PCDHGA2: variants seen among roughly 807,000 people sequenced by gnomAD.
PCDHGA2 encodes protocadherin gamma subfamily A, 2.
Under a neutral mutation model 59.2 loss-of-function variants are expected in PCDHGA2, and 40 were observed. The observed-to-expected ratio is 0.68, with a 90% CI of 0.52 to 0.88. The LOEUF (loss-of-function observed/expected upper bound fraction) is 0.88, where lower values mean the gene tolerates loss of function less well. Among genes scored for constraint, PCDHGA2 ranks in the 40% least tolerant of loss-of-function variants. The pLI, the probability that PCDHGA2 is intolerant of heterozygous loss-of-function variation, is 0.00. For synonymous variants in PCDHGA2, 560 were observed against 526.0 expected (o/e 1.06, Z -0.89); for missense variants, 1,226 against 1,204.0 (o/e 1.02, Z -0.27).
intron 1 of PCDHGA2, chr5:141,409,190 C>T (rs868189970): frequency 6.2e-7 from 1 of 1,613,986 alleles, no homozygotes; most frequent in Non-Finnish European, 8.5e-7. Context: ...TCTCTCTACC[C>T]AGTGTAAAGT....
intron 1 of PCDHGA2, chr5:141,410,123 C>A: frequency 1.2e-6 from 2 of 1,612,780 alleles, no homozygotes; most frequent in Non-Finnish European, 1.7e-6. Flanking sequence ...AGCCCGCCAG[C>A]GCCTGCTGGT....
intron 1 of PCDHGA2, chr5:141,422,878 C>T: frequency 6.2e-7 from 1 of 1,614,264 alleles, no homozygotes; most frequent in African/African-American, 1.3e-5. Flanking sequence ...GTCGCTGAGC[C>T]TGTTCGTGCT....
chr5:141,492,395 C>G (rs2099740183), intron 1 of PCDHGA2, among the ~76,000 whole-genome samples: 1 of 152,242 alleles, frequency 6.6e-6, no homozygotes, highest in African/African-American at 2.4e-5. Flanking sequence ...GGTCCACTCG[C>G]AGCTCCCCTC....
Position 141,399,184 on chromosome 5 carries a change from C to T in PCDHGA2, c.2424+57789C>T, listed in dbSNP as rs1398440525. The T allele has an allele frequency of 1.9e-6, 3 of 1,613,746 alleles. No individual in the cohort carries two copies. In the African/African-American group the frequency reaches 4.0e-5, roughly 22 times the overall value. On this transcript the variant is annotated intron_variant, in intron 1 of 3. Coordinates refer to ENST00000394576, the MANE Select transcript of PCDHGA2 (RefSeq NM_018915.4). The stretch of plus-strand genomic sequence containing the variant: ...ATTCCATTCTCTACTTGAAATGATT[C>T]TGGAAAACGCGGTGCCTGGAACACT...
chr5:141,503,221 C>T (rs528636727), intron 2 of PCDHGA2, among the ~76,000 whole-genome samples: 34 of 152,074 alleles, frequency 2.2e-4, no homozygotes, highest in Middle Eastern at 6.8e-3. Flanking sequence ...CCATGAGCAC[C>T]GTAAAGATGG....
chr5:141,376,351 G>C (rs1333788917), intron 1 of PCDHGA2: 31 of 1,614,060 alleles, frequency 1.9e-5, no homozygotes, highest in Non-Finnish European at 2.6e-5. Flanking sequence ...ATTCCCACGA[G>C]GTCTCACTCA....
chr5:141,450,150 G>T (rs1314865325), intron 1 of PCDHGA2, among the ~76,000 whole-genome samples: 1 of 150,342 alleles, frequency 6.7e-6, no homozygotes, highest in Non-Finnish European at 1.5e-5. Flanking sequence ...GGGACTACAG[G>T]CATGTGCCAC....
At chr5:141,427,495 C>A in intron 1 of PCDHGA2, 2 of 562,648 alleles carry the variant, frequency 3.6e-6, no homozygotes, top group South Asian at 1.5e-5. Flanking sequence ...AAGCTTGTAA[C>A]AGATGGGACC....
At chr5:141,363,237 CATTTTCTACA>C (rs1481168613) in intron 1 of PCDHGA2, among the ~76,000 whole-genome samples, 1 of 152,240 alleles carries the variant, frequency 6.6e-6, no homozygotes, top group Non-Finnish European at 1.5e-5. Context: ...ATGTTCACAT[CATTTTCTACA>C]AAATATTACT....
At position 141,372,042 on chromosome 5, in the gene PCDHGA2, G is replaced by A. The variant is rs373749332; in HGVS notation, c.2424+30647G>A. The A allele has an allele frequency of 5.0e-6, 8 of 1,613,478 alleles. No individual in the cohort carries two copies. The East Asian group carries it at 1.3e-4, about 27-fold the overall frequency. The stretch of plus-strand genomic sequence containing the variant: ...GCTCAGCGCCAACGTGAGCCTGCGC[G>A]TGTTGGTGGACGACCGCAACGACAA... On this transcript the variant is annotated intron_variant, in intron 1 of 3. Transcript: ENST00000394576.
rs114740440 is a variant in PCDHGA2 at position 141,426,595 on chromosome 5, C to T, written c.2425-68212C>T. The T allele has an allele frequency of 4.0e-3, 1,518 of 375,912 alleles. 5 individuals carry two copies. Among genetic ancestry groups the T allele is most frequent in the Non-Finnish European group, 5.9e-3 (1,105 of 185,722 alleles). 23.3% of individuals were successfully genotyped at this position (375,912 alleles called of 1,614,324 possible). ...GTCTTCAAAATCCTCTGTGTCATAC[C>T]CTTAGAGATTGTAGCAGAGAATCCT... On this transcript the variant is annotated intron_variant, in intron 1 of 3. Coordinates refer to ENST00000394576, the MANE Select transcript of PCDHGA2 (RefSeq NM_018915.4).
intron 1 of PCDHGA2, chr5:141,356,921 G>C (rs767463186): frequency 1.9e-6 from 3 of 1,613,860 alleles, no homozygotes; most frequent in African/African-American, 2.7e-5. Context: ...GGCTCCACTG[G>C]TGTGGAGCTG....
chr5:141,357,261 G>C lies in PCDHGA2; in HGVS notation c.2424+15866G>C, dbSNP rs373241881. ...AGCCTTCAGCAGACCCAGACGACTC[G>C]GGCCTCACACTCTATCTCGTGGTGG... is the stretch of plus-strand genomic sequence containing the variant. On this transcript the variant is annotated intron_variant, in intron 1 of 3. Coordinates refer to ENST00000394576, the MANE Select transcript of PCDHGA2 (RefSeq NM_018915.4). 86 of 1,613,714 alleles carry C rather than the reference G, an allele frequency of 5.3e-5. No homozygotes were observed. The African/African-American group carries it at 1.0e-3, about 19-fold the overall frequency.
chr5:141,341,967 A>G (rs1302269794), intron 1 of PCDHGA2: 1 of 155,904 alleles, frequency 6.4e-6, no homozygotes, highest in Non-Finnish European at 1.4e-5. Context: ...CATTCCTTAC[A>G]GTGTTTCAGG....
Position 141,454,981 on chromosome 5 carries a change from A to T in PCDHGA2, c.2425-39826A>T, listed in dbSNP as rs528657512. 9.9e-3 allele frequency among the ~76,000 whole-genome samples: 1,486 copies of T among 150,680 alleles called. 32 individuals carry two copies. Among genetic ancestry groups the T allele is most frequent in the African/African-American group, 0.034 (1,392 of 41,092 alleles). On this transcript the variant is annotated intron_variant, in intron 1 of 3. Coordinates refer to ENST00000394576, the MANE Select transcript of PCDHGA2 (RefSeq NM_018915.4). ...GGCCACCACGCCTGGCTAATTTTTTAAAAAATATTTTTAGTAGAGACGGGG... is the reference window on the plus strand; with the variant it reads ...GGCCACCACGCCTGGCTAATTTTTTTAAAAATATTTTTAGTAGAGACGGGG...
At chr5:141,365,624 C>A in intron 1 of PCDHGA2, 1 of 1,613,680 alleles carries the variant, frequency 6.2e-7, no homozygotes, top group Non-Finnish European at 8.5e-7. Context: ...AACCCCGCCC[C>A]TCTCTACAGA....
At chr5:141,412,903 G>C (rs2095586511) in intron 1 of PCDHGA2, 1 of 376,030 alleles carries the variant, frequency 2.7e-6, no homozygotes, top group African/African-American at 2.1e-5. Context: ...ACTTTCCATT[G>C]CATGTATCAC....
chr5:141,389,442 C>T, intron 1 of PCDHGA2: 2 of 1,610,586 alleles, frequency 1.2e-6, no homozygotes, highest in Non-Finnish European at 1.7e-6. Context: ...CGCCTTCGAC[C>T]ACGAGCAGCT....
rs200843744 is a variant in PCDHGA2, at chr5:141,491,417, G to C, written c.2425-3390G>C. 18 of 1,613,988 alleles carry C rather than the reference G, an allele frequency of 1.1e-5. No individual in the cohort carries two copies. Among genetic ancestry groups the C allele is most frequent in the Admixed American group, 5.0e-5 (3 of 60,006 alleles). ...CAGGGAAACGCAGACGGGGACGGGGGTGGAGGGCAGTGCTGCAGGCGCCAG... is the reference window on the plus strand; with the variant it reads ...CAGGGAAACGCAGACGGGGACGGGGCTGGAGGGCAGTGCTGCAGGCGCCAG... On this transcript the variant is annotated intron_variant, in intron 1 of 3. Transcript: ENST00000394576. This position sits in a 1 kb window ranked among gnomAD's most constrained non-coding sequence, Gnocchi z 6.9.
Sources: allele counts gnomAD v4.1 joint callset (sites outside exome capture counted in the v4.1 genomes callset), GRCh38; gene constraint gnomAD v4.1.1; non-coding constraint Gnocchi (gnomAD v3.1); transcripts MANE v1.5; gene names NCBI Gene and HGNC (gene_info 2026-07-23, HGNC 2026-07-21).